CYB5D2: variants seen among roughly 807,000 people sequenced by gnomAD.
CYB5D2 encodes cytochrome b5 domain containing 2.
A neutral mutation model predicts 22.8 loss-of-function variants in CYB5D2; 23 were observed. That is an observed-to-expected ratio of 1.01 (90% CI 0.73 to 1.43). The LOEUF (loss-of-function observed/expected upper bound fraction) is 1.43. Ranked by LOEUF, CYB5D2 falls within the 40% of genes most tolerant of loss-of-function variation. The probability of loss-of-function intolerance (pLI) is 0.00; values close to 1 mark genes in which losing one functional copy is unlikely to be tolerated. For missense variants in CYB5D2, 373 were observed against 357.2 expected (o/e 1.04, Z -0.36); for synonymous variants, 170 against 152.2 (o/e 1.12, Z -0.86).
chr17:4,156,563 C>G (rs2059114228), intron 3 of CYB5D2, among the ~76,000 whole-genome samples: 1 of 152,262 alleles, frequency 6.6e-6, no homozygotes, highest in Non-Finnish European at 1.5e-5. Flanking sequence ...CTGTTGCCAC[C>G]AGTGCAGGAA....
In CYB5D2 at chr17:4,155,509, G is replaced by A. The variant is rs2059104686; in HGVS notation, c.578+649G>A. On this transcript the variant is annotated intron_variant, in intron 3 of 3. Transcript: ENST00000301391. ...CTCAGCCTTAAATGAGCGGAGCAAG[G>A]GCAAAGGTAGCAGGAAGGAAAGCTC... 1.3e-5 allele frequency among the ~76,000 whole-genome samples: 2 copies of A among 152,172 alleles called. 1 individual carries two copies. The highest frequency in any genetic ancestry group is 4.1e-4 in the South Asian group (2 of 4,830).
chr17:4,146,238 C>T (rs2058989856), intron 1 of CYB5D2, among the ~76,000 whole-genome samples: 1 of 151,290 alleles, frequency 6.6e-6, no homozygotes, highest in African/African-American at 2.4e-5. Flanking sequence ...GGATTACAGG[C>T]GTGTGCCACC....
chr17:4,151,029 C>T (rs2059052017), intron 2 of CYB5D2: 1 of 152,210 alleles, frequency 6.6e-6, no homozygotes, highest in Non-Finnish European at 1.5e-5. Flanking sequence ...ACAGGTCTAA[C>T]TTGGAAGAAT....
At chr17:4,154,997 C>A in intron 3 of CYB5D2, 137 bp downstream of exon 3, 2 of 961,142 alleles carry the variant, frequency 2.1e-6, no homozygotes, top group Non-Finnish European at 3.0e-6. Flanking sequence ...TAATAATTCT[C>A]AACTTTGGCT....
At chr17:4,150,666 C>G (rs1412849515) in intron 2 of CYB5D2, among the ~76,000 whole-genome samples, 1 of 152,138 alleles carries the variant, frequency 6.6e-6, no homozygotes, top group Admixed American at 6.5e-5. Context: ...GGTTGGATCA[C>G]TTGAGGTCAG....
chr17:4,154,955 G>A, intron 3 of CYB5D2, 95 bp downstream of exon 3: 3 of 1,321,960 alleles, frequency 2.3e-6, no homozygotes, highest in South Asian at 1.5e-5. Flanking sequence ...GGAATTGATT[G>A]TTAACCCTGG....
At chr17:4,147,176 C>G (rs1390912988) in intron 1 of CYB5D2, among the ~76,000 whole-genome samples, 2 of 152,158 alleles carry the variant, frequency 1.3e-5, no homozygotes, top group Non-Finnish European at 2.9e-5. Context: ...GAGTTGGAGA[C>G]AGAAGAATCC....
chr17:4,155,737 T>A lies in CYB5D2; in HGVS notation c.578+877T>A, dbSNP rs1398075658. On this transcript the variant is annotated intron_variant, in intron 3 of 3. Coordinates refer to ENST00000301391, the MANE Select transcript of CYB5D2 (RefSeq NM_144611.4). The stretch of plus-strand genomic sequence containing the variant: ...CAGGAGGAGGAGACTCCAGGAGGCC[T>A]GCGTGCGTTCAGATGCTTGACTTTG... 3.3e-5 allele frequency among the ~76,000 whole-genome samples: 5 copies of A among 152,216 alleles called. No individual in the cohort carries two copies. In the South Asian group the frequency reaches 8.3e-4, roughly 25 times the overall value.
chr17:4,151,370 TAAAG>T (rs1398090914), intron 2 of CYB5D2, among the ~76,000 whole-genome samples: 2 of 152,054 alleles, frequency 1.3e-5, no homozygotes, highest in African/African-American at 2.4e-5. Flanking sequence ...ACTGGGTTAA[TAAAG>T]AAAAGAAAAC....
intron 1 of CYB5D2, among the ~76,000 whole-genome samples, chr17:4,144,515 A>G (rs2058959065): frequency 6.6e-6 from 1 of 152,188 alleles, no homozygotes; most frequent in Admixed American, 6.5e-5. Context: ...ATGGCCCGTC[A>G]TATAGTACAT....
At position 4,154,715 on chromosome 17, in the gene CYB5D2, A is replaced by G; in HGVS notation, c.433A>G (p.Thr145Ala). ...GTTCTACGGAGAGGATGGGCTGCCC[A>G]CCCCGGCACTGACCCAGGTAGAAGC... ...GRFYGEDGLP[T>A]PALTQVEAAI... is the part of the protein sequence containing the mutation. The change falls in exon 3 of 4, where the codon ACC (threonine) becomes GCC (alanine). Residue 145 changes from threonine to alanine, a missense_variant. By Grantham distance (58) the Thr-to-Ala change is moderately conservative. Transcript: ENST00000301391. 1.2e-6 allele frequency: 2 copies of G among 1,614,086 alleles called. No homozygotes were observed. Among genetic ancestry groups the G allele is most frequent in the Non-Finnish European group, 1.7e-6 (2 of 1,179,992 alleles).
intron 2 of CYB5D2, among the ~76,000 whole-genome samples, chr17:4,154,234 C>T (rs1387926958): frequency 1.3e-5 from 2 of 152,188 alleles, no homozygotes; most frequent in East Asian, 3.9e-4. Flanking sequence ...TTGCTTGAGC[C>T]CAGAAGTTCA....
chr17:4,151,563 T>C (rs1033237806), intron 2 of CYB5D2, among the ~76,000 whole-genome samples: 2 of 151,688 alleles, frequency 1.3e-5, no homozygotes, highest in Non-Finnish European at 2.9e-5. Flanking sequence ...GGCAGGTGCC[T>C]GTAATCCCAG....
In CYB5D2 at chr17:4,143,857, C is replaced by T. The variant is rs140723199; in HGVS notation, c.102C>T (p.Gly34=). ...RLMGWWGPRA[G]FRLFIPEELS... ...TGGGCTGGTGGGGTCCCCGCGCTGG[C>T]TTTCGCCTTTTCATACCGGAGGAGC... The change falls in exon 1 of 4, where the codon GGC becomes GGT. Residue 34 remains glycine, a synonymous_variant. Transcript: ENST00000301391. 3.1e-6 allele frequency: 5 copies of T among 1,614,002 alleles called. No individual in the cohort carries two copies. The highest frequency in any genetic ancestry group is 4.2e-6 in the Non-Finnish European group (5 of 1,180,032).
At chr17:4,149,298 C>T (rs1022687877) in intron 1 of CYB5D2, among the ~76,000 whole-genome samples, 24 of 152,088 alleles carry the variant, frequency 1.6e-4, no homozygotes, top group Non-Finnish European at 2.9e-5. Flanking sequence ...ACCCCTAAGG[C>T]TGGTAGACAG....
chr17:4,146,336 C>G (rs1210319655), intron 1 of CYB5D2, among the ~76,000 whole-genome samples: 3 of 151,990 alleles, frequency 2.0e-5, no homozygotes, highest in African/African-American at 7.3e-5. Flanking sequence ...CTCATGTGAT[C>G]CACCTGCCTA....
At chr17:4,145,444 G>C (rs1170211623) in intron 1 of CYB5D2, among the ~76,000 whole-genome samples, 2 of 152,228 alleles carry the variant, frequency 1.3e-5, no homozygotes, top group Non-Finnish European at 2.9e-5. Flanking sequence ...TTTTGTCGCT[G>C]CTAGTTGAAG....
Position 4,154,723 on chromosome 17 carries a change from A to G in CYB5D2, c.441A>G (p.Ala147=), listed in dbSNP as rs998964086. 6 of 1,614,192 alleles carry G rather than the reference A, an allele frequency of 3.7e-6. No individual in the cohort carries two copies. In the Admixed American group the frequency reaches 1.0e-4, roughly 27 times the overall value. The change falls in exon 3 of 4, where the codon GCA becomes GCG. Residue 147 remains alanine (A), a synonymous_variant. Coordinates refer to ENST00000301391, the MANE Select transcript of CYB5D2 (RefSeq NM_144611.4). ...FYGEDGLPTP[A]LTQVEAAITR... ...GAGAGGATGGGCTGCCCACCCCGGC[A>G]CTGACCCAGGTAGAAGCTGCGATCA... is the stretch of plus-strand genomic sequence containing the variant.
At position 4,157,142 on chromosome 17, in the gene CYB5D2, T is replaced by A. The variant is rs1366238200; in HGVS notation, c.*60T>A. 6.4e-7 allele frequency: 1 copy of A among 1,566,546 alleles called. No homozygotes were observed. Among genetic ancestry groups the A allele is most frequent in the Admixed American group, 1.8e-5 (1 of 56,926 alleles). On this transcript the variant is annotated 3_prime_UTR_variant, in exon 4 of 4. Transcript: ENST00000301391. The surrounding 1 kb of genome is among the most constrained non-coding windows in gnomAD (Gnocchi z 4.4). Reference sequence around the variant, plus strand: ...CTCTGCCAAGCACCTGAGTAGGCCCTTGACACTTGTGTGCCCTGGGATGCC... The same window carrying A: ...CTCTGCCAAGCACCTGAGTAGGCCCATGACACTTGTGTGCCCTGGGATGCC...
Sources: gnomAD v4.1 joint callset for allele counts (sites outside exome capture counted in the v4.1 genomes callset) on GRCh38, gnomAD v4.1.1 for gene constraint, Gnocchi (gnomAD v3.1) non-coding constraint, MANE v1.5 for transcripts, NCBI Gene and HGNC (gene_info 2026-07-23, HGNC 2026-07-21) for gene names.